THEMIS: variants seen among roughly 807,000 people sequenced by gnomAD.
THEMIS encodes the protein thymocyte selection associated, also known as protein THEMIS.
In THEMIS, 37 loss-of-function variants were observed where a neutral mutation model predicts 52.6. The observed-to-expected ratio is 0.70, with a 90% CI of 0.54 to 0.93. THEMIS has a LOEUF of 0.93. Ranked by LOEUF, THEMIS falls within the 40% of genes least tolerant of loss-of-function variation. THEMIS has a pLI of 0.00. For missense variants in THEMIS, 808 were observed against 763.1 expected (o/e 1.06, Z -0.69); for synonymous variants, 292 against 272.7 (o/e 1.07, Z -0.70).
At chr6:127,905,865 GA>G, upstream of THEMIS, among the ~76,000 whole-genome samples, 1 of 151,224 alleles carries the variant, frequency 6.6e-6, no homozygotes, top group African/African-American at 2.4e-5. Flanking sequence ...AGACGAGAAA[GA>G]AAAGAAAAAG....
intron 4 of THEMIS, among the ~76,000 whole-genome samples, chr6:127,769,930 T>C (rs750410719): frequency 4.6e-5 from 7 of 152,228 alleles, no homozygotes; most frequent in Non-Finnish European, 1.0e-4. Context: ...GCTTCATCCA[T>C]GTCCCTACAA....
At chr6:127,829,414 C>A (rs1485001597) in intron 3 of THEMIS, 62 bp downstream of exon 3, 2 of 1,378,710 alleles carry the variant, frequency 1.5e-6, no homozygotes, top group Non-Finnish European at 2.0e-6. Context: ...GCTCTAAAAT[C>A]TTTCTTTCCC....
chr6:127,759,631 T>G (rs772397282), intron 4 of THEMIS, among the ~76,000 whole-genome samples: 28 of 152,202 alleles, frequency 1.8e-4, no homozygotes, highest in Non-Finnish European at 3.5e-4. Context: ...ACGTTGACTC[T>G]GTCTTCAAAC....
intron 4 of THEMIS, among the ~76,000 whole-genome samples, chr6:127,798,169 G>T (rs990459464): frequency 6.6e-6 from 1 of 152,166 alleles, no homozygotes; most frequent in Non-Finnish European, 1.5e-5. Flanking sequence ...TGATGAAAGT[G>T]CTCCTGATTT....
In THEMIS at chr6:127,900,824, G is replaced by A. The variant is rs768441556; in HGVS notation, c.91+18C>T. Reference sequence around the variant, plus strand: ...TACAAGAATGTTCTAGCCAGTAAAGGTATTGGAGAGTGCTTACCTTCAAGA... The same window carrying A: ...TACAAGAATGTTCTAGCCAGTAAAGATATTGGAGAGTGCTTACCTTCAAGA... On this transcript the variant is annotated intron_variant, in intron 1 of 5. Coordinates refer to ENST00000368248, the MANE Select transcript of THEMIS (RefSeq NM_001010923.3). 6.2e-7 allele frequency: 1 copy of A among 1,600,160 alleles called. No individual in the cohort carries two copies. The highest frequency in any genetic ancestry group is 2.2e-5 in the East Asian group (1 of 44,796).
At chr6:127,900,460 G>A (rs899162616) in intron 1 of THEMIS, among the ~76,000 whole-genome samples, 4 of 152,000 alleles carry the variant, frequency 2.6e-5, no homozygotes, top group South Asian at 2.1e-4. Flanking sequence ...CTGTGCCTTT[G>A]ATAGTTGCTT....
chr6:127,905,982 T>A (rs1015145264), upstream of THEMIS, among the ~76,000 whole-genome samples: 1 of 146,056 alleles, frequency 6.8e-6, no homozygotes, highest in Non-Finnish European at 1.5e-5. Flanking sequence ...AATTTAAATG[T>A]AATTAAATGA....
At chr6:127,776,927 T>C (rs1776585045) in intron 4 of THEMIS, among the ~76,000 whole-genome samples, 1 of 152,206 alleles carries the variant, frequency 6.6e-6, no homozygotes, top group African/African-American at 2.4e-5. Flanking sequence ...TCCGCCTTTA[T>C]ATCTGGTAAT....
At chr6:127,831,028 C>T (rs1778683971) in intron 2 of THEMIS, among the ~76,000 whole-genome samples, 1 of 152,154 alleles carries the variant, frequency 6.6e-6, no homozygotes, top group Non-Finnish European at 1.5e-5. Flanking sequence ...CTTGAAAATA[C>T]CAGGTTCTGT....
chr6:127,897,063 G>A (rs1356417935), intron 1 of THEMIS, among the ~76,000 whole-genome samples: 1 of 151,358 alleles, frequency 6.6e-6, no homozygotes, highest in Non-Finnish European at 1.5e-5. Context: ...TAGAGAAAAG[G>A]CAGCTTTTCA....
intron 4 of THEMIS, among the ~76,000 whole-genome samples, chr6:127,758,838 A>G (rs1775923080): frequency 6.6e-6 from 1 of 152,158 alleles, no homozygotes; most frequent in Non-Finnish European, 1.5e-5. Flanking sequence ...GGCAAGTAAC[A>G]CAATCAGAAT....
chr6:127,722,754 T>C (rs1774405990), intron 4 of THEMIS, among the ~76,000 whole-genome samples: 1 of 151,876 alleles, frequency 6.6e-6, no homozygotes. Flanking sequence ...TCCTGTCGTC[T>C]AACTGTGTGC....
chr6:127,831,771 T>C (rs953078996), intron 2 of THEMIS, among the ~76,000 whole-genome samples: 1 of 152,158 alleles, frequency 6.6e-6, no homozygotes, highest in Non-Finnish European at 1.5e-5. Flanking sequence ...AGAAATAGAA[T>C]AGTGTTCACT....
At chr6:127,748,429 C>T (rs916811612) in intron 4 of THEMIS, among the ~76,000 whole-genome samples, 1 of 152,060 alleles carries the variant, frequency 6.6e-6, no homozygotes, top group South Asian at 2.1e-4. Flanking sequence ...AATCCACTCT[C>T]ACTGCAACTA....
At chr6:127,752,508 A>G (rs1161824514) in intron 4 of THEMIS, among the ~76,000 whole-genome samples, 1 of 151,624 alleles carries the variant, frequency 6.6e-6, no homozygotes, top group Non-Finnish European at 1.5e-5. Context: ...ACAATGGACT[A>G]TGATGAACAA....
At chr6:127,733,094 C>G (rs1450101928) in intron 4 of THEMIS, among the ~76,000 whole-genome samples, 1 of 152,172 alleles carries the variant, frequency 6.6e-6, no homozygotes, top group Non-Finnish European at 1.5e-5. Context: ...GATTAAATAA[C>G]TTTTCAATGT....
intron 4 of THEMIS, among the ~76,000 whole-genome samples, chr6:127,805,080 T>C (rs1777656268): frequency 1.3e-5 from 2 of 152,156 alleles, no homozygotes; most frequent in Admixed American, 6.5e-5. Context: ...GCCTTTAATG[T>C]ACAGTTTGAT....
chr6:127,897,577 A>T (rs1781007140), intron 1 of THEMIS, among the ~76,000 whole-genome samples: 1 of 151,568 alleles, frequency 6.6e-6, no homozygotes, highest in Non-Finnish European at 1.5e-5. Context: ...GGAGATGAAA[A>T]CTAAAACCAT....
chr6:127,763,144 T>G (rs1776078195), intron 4 of THEMIS, among the ~76,000 whole-genome samples: 1 of 151,990 alleles, frequency 6.6e-6, no homozygotes, highest in Admixed American at 6.6e-5. Flanking sequence ...GAAAAGAATG[T>G]GTCTGATTTC....
Sources: gnomAD v4.1 joint callset for allele counts (sites outside exome capture counted in the v4.1 genomes callset) on GRCh38, gnomAD v4.1.1 for gene constraint, MANE v1.5 for transcripts, NCBI Gene and HGNC (gene_info 2026-07-23, HGNC 2026-07-21) for gene names.